The following RASA1 variants were observed in gnomAD, a reference collection of about 807,000 sequenced individuals.
The protein encoded by RASA1 is RAS p21 protein activator 1, also known as ras GTPase-activating protein 1.
A neutral mutation model predicts 132.2 loss-of-function variants in RASA1; 25 were observed. The ratio of observed to expected loss-of-function variants is 0.19; its 90% confidence interval spans 0.14 to 0.26. The LOEUF is 0.26. RASA1 is among the 10% of genes least tolerant of loss of function. RASA1 has a pLI of 1.00. For synonymous variants in RASA1, 477 were observed against 449.9 expected, an observed-to-expected ratio of 1.06 and a Z score of -0.76; for missense variants, 964 against 1,299.2, an observed-to-expected ratio of 0.74 and a Z score of 3.97.
intron 5 of RASA1, among the ~76,000 whole-genome samples, chr5:87,340,420 T>G (rs977606660): frequency 1.4e-5 from 2 of 146,584 alleles, no homozygotes; most frequent in Non-Finnish European, 3.0e-5. Context: ...ATTTTTATAG[T>G]TTTTTTTTTT....
chr5:87,338,536 A>ATATATATATATATATATATATATTTTTT, intron 5 of RASA1, among the ~76,000 whole-genome samples: 1 of 85,214 alleles, frequency 1.2e-5, no homozygotes, highest in Non-Finnish European at 2.3e-5. Flanking sequence ...TATATATAAA[A>ATATATATATATATATATATATATTTTTT]TTTTTTTTTT....
intron 1 of RASA1, among the ~76,000 whole-genome samples, chr5:87,316,537 A>G (rs768756343): frequency 7.9e-5 from 12 of 152,098 alleles, no homozygotes; most frequent in Non-Finnish European, 1.3e-4. Flanking sequence ...TTCATGTGTC[A>G]GGATTGCCAC....
intron 8 of RASA1, among the ~76,000 whole-genome samples, chr5:87,352,873 G>A (rs1330088895): frequency 1.3e-5 from 2 of 151,742 alleles, no homozygotes; most frequent in Non-Finnish European, 2.9e-5. Flanking sequence ...CCTCATTTAT[G>A]GTGACTCTTT....
chr5:87,273,319 A>G (rs1333139989), intron 1 of RASA1, among the ~76,000 whole-genome samples: 1 of 152,162 alleles, frequency 6.6e-6, no homozygotes, highest in Non-Finnish European at 1.5e-5. Flanking sequence ...TGAGAAAATT[A>G]TAAAAATAAA....
chr5:87,289,949 G>A (rs528219296), intron 1 of RASA1, among the ~76,000 whole-genome samples: 1 of 151,960 alleles, frequency 6.6e-6, no homozygotes, highest in African/African-American at 2.4e-5. Context: ...TGTCCTTGTG[G>A]TTTCTATATT....
intron 1 of RASA1, among the ~76,000 whole-genome samples, chr5:87,306,452 G>A (rs575934084): frequency 2.6e-5 from 4 of 152,204 alleles, no homozygotes; most frequent in Admixed American, 2.6e-4. Context: ...ACACACTGGG[G>A]CCTAATTGAG....
intron 1 of RASA1, among the ~76,000 whole-genome samples, chr5:87,310,006 C>T (rs543505265): frequency 6.6e-6 from 1 of 151,976 alleles, no homozygotes; most frequent in Non-Finnish European, 1.5e-5. Flanking sequence ...TGTTGGGTGA[C>T]TTGGAGGCAG....
chr5:87,366,080 C>G (rs1481815524), intron 11 of RASA1, among the ~76,000 whole-genome samples: 1 of 152,074 alleles, frequency 6.6e-6, no homozygotes, highest in Admixed American at 6.6e-5. Flanking sequence ...AGGAGAAAAA[C>G]TTTTGGTGAA....
In RASA1 at chr5:87,268,299, G is replaced by C; in HGVS notation, c.-153G>C. 1 of 1,109,698 alleles carries C rather than the reference G, an allele frequency of 9.0e-7. No individual in the cohort carries two copies. The highest frequency in any genetic ancestry group is 1.2e-6 in the Non-Finnish European group (1 of 803,750). 68.7% of individuals were successfully genotyped at this position (1,109,698 alleles called of 1,614,324 possible). On this transcript the variant is annotated 5_prime_UTR_variant, in exon 1 of 25. Coordinates refer to ENST00000274376, the MANE Select transcript of RASA1 (RefSeq NM_002890.3). Reference sequence around the variant, plus strand: ...GCCTGGGCTGTGGCCCTAGGAGGGGGCGCGGCGGCGGGCTCTCTCCTTTTG... The same window carrying C: ...GCCTGGGCTGTGGCCCTAGGAGGGGCCGCGGCGGCGGGCTCTCTCCTTTTG...
chr5:87,375,880 CT>C (rs555297763), intron 15 of RASA1, among the ~76,000 whole-genome samples: 66 of 152,314 alleles, frequency 4.3e-4, no homozygotes, highest in African/African-American at 1.6e-3. Context: ...TTTTCCATTA[CT>C]TTTACGATAA....
chr5:87,350,580 A>G (rs1242320491), intron 8 of RASA1, among the ~76,000 whole-genome samples: 7 of 151,654 alleles, frequency 4.6e-5, no homozygotes, highest in Admixed American at 4.0e-4. Flanking sequence ...AATTCTTCCT[A>G]CATACTGGAG....
intron 10 of RASA1, 150 bp from the exon 11 acceptor site, chr5:87,363,198 A>C (rs1329849414): frequency 1.4e-6 from 1 of 718,282 alleles, no homozygotes; most frequent in Non-Finnish European, 2.3e-6. Context: ...GATTTGTTAT[A>C]GGCATTTTCT....
intron 1 of RASA1, among the ~76,000 whole-genome samples, chr5:87,323,370 A>C (rs1433365534): frequency 3.3e-5 from 5 of 152,214 alleles, no homozygotes; most frequent in African/African-American, 1.2e-4. Flanking sequence ...ATATAAGCCT[A>C]TGTATAGTAG....
intron 15 of RASA1, among the ~76,000 whole-genome samples, chr5:87,375,836 A>G (rs1424144951): frequency 2.0e-5 from 3 of 152,196 alleles, no homozygotes; most frequent in African/African-American, 7.2e-5. Flanking sequence ...TCTCTATAAA[A>G]TGTTTATTCT....
At position 87,354,730 on chromosome 5, in the gene RASA1, G is replaced by T. The variant is rs73156380; in HGVS notation, c.1332+1495G>T. On this transcript the variant is annotated intron_variant, in intron 9 of 24. Coordinates refer to ENST00000274376, the MANE Select transcript of RASA1 (RefSeq NM_002890.3). ...GGAGGCATGGTGAAAGCCAAAATAG[G>T]CTGAAAGCTAGGTCTCTTGCACCAA... Among the ~76,000 whole-genome samples, 260 of 152,252 alleles carry T rather than the reference G, an allele frequency of 1.7e-3. 1 individual carries two copies. Among genetic ancestry groups the T allele is most frequent in the Middle Eastern group, 0.017 (5 of 294 alleles).
rs780919510 is a variant in RASA1, at chr5:87,331,459, A to G, written c.651A>G (p.Val217=). 5 of 1,613,758 alleles carry G rather than the reference A, an allele frequency of 3.1e-6. No individual in the cohort carries two copies. The highest frequency in any genetic ancestry group is 2.2e-5 in the South Asian group (2 of 91,086). ...GTGATCGGAGGCCAGGGTCCTTTGT[A>G]CTTTCATTTCTTAGCCAGATGAATG... is the stretch of plus-strand genomic sequence containing the variant. ...RESDRRPGSF[V]LSFLSQMNVV... Residue 217 remains valine (V), a synonymous_variant, in exon 2 of 25, where the codon GTA becomes GTG. Coordinates refer to ENST00000274376, the MANE Select transcript of RASA1 (RefSeq NM_002890.3).
intron 1 of RASA1, among the ~76,000 whole-genome samples, chr5:87,276,057 A>C (rs1442816827): frequency 2.0e-5 from 3 of 152,174 alleles, no homozygotes; most frequent in African/African-American, 4.8e-5. Context: ...GAATACAGCA[A>C]GTTGAGCTTT....
At position 87,353,182 on chromosome 5, in the gene RASA1, C is replaced by G; in HGVS notation, c.1279C>G (p.Arg427Gly). ...CATTGGGGACATCATAGATCACTATCGAAAAGAACAGATTGTTGAAGGATA... is the reference window on the plus strand; with the variant it reads ...CATTGGGGACATCATAGATCACTATGGAAAAGAACAGATTGTTGAAGGATA... ...NSIGDIIDHY[R>G]KEQIVEGYYL... The change falls in exon 9 of 25, where the codon CGA becomes GGA. Residue 427 changes from arginine (R) to glycine (G), a missense_variant. Arg to Gly is a moderately radical substitution (Grantham distance 125). This residue lies in a region of RASA1 where 154 missense variants were observed against 286.5 expected (regional missense o/e 0.54). Coordinates refer to ENST00000274376, the MANE Select transcript of RASA1 (RefSeq NM_002890.3). 4 of 1,610,384 alleles carry G rather than the reference C, an allele frequency of 2.5e-6. No homozygotes were observed. The highest frequency in any genetic ancestry group is 2.2e-5 in the South Asian group (2 of 90,990).
intron 1 of RASA1, among the ~76,000 whole-genome samples, chr5:87,286,660 CT>C (rs1464868251): frequency 6.6e-6 from 1 of 151,814 alleles, no homozygotes; most frequent in East Asian, 1.9e-4. Context: ...CTTTATTTTA[CT>C]TTCAGTAGAC....
Sources: gnomAD v4.1 joint callset for allele counts (sites outside exome capture counted in the v4.1 genomes callset) on GRCh38, gnomAD v4.1.1 for gene constraint, gnomAD v4.1.1 regional missense constraint, MANE v1.5 for transcripts, NCBI Gene and HGNC (gene_info 2026-07-23, HGNC 2026-07-21) for gene names.